Variants in STK33 observed in about 807,000 individuals in gnomAD.
STK33 encodes the protein serine/threonine kinase 33.
A neutral mutation model predicts 58.0 loss-of-function variants in STK33; 52 were observed. That is an observed-to-expected ratio of 0.90 (90% CI 0.72 to 1.13). STK33 has a LOEUF of 1.13. Among genes scored for constraint, STK33 ranks in the 50% most tolerant of loss-of-function variants. The pLI is 0.00. For missense variants in STK33, 630 were observed against 604.2 expected (o/e 1.04, Z -0.45); for synonymous variants, 215 against 200.1 (o/e 1.07, Z -0.63).
intron 1 of STK33, among the ~76,000 whole-genome samples, chr11:8,584,550 G>A (rs889190451): frequency 6.6e-6 from 1 of 152,216 alleles, no homozygotes; most frequent in Admixed American, 6.5e-5. Flanking sequence ...AAGCCAATCA[G>A]TGAGAGACTA....
chr11:8,530,122 G>T (rs1292058122), intron 1 of STK33, among the ~76,000 whole-genome samples: 1 of 152,130 alleles, frequency 6.6e-6, no homozygotes, highest in African/African-American at 2.4e-5. Context: ...AATGTGGAGA[G>T]CATCACACAG....
chr11:8,560,393 T>C (rs1957040626), intron 1 of STK33, among the ~76,000 whole-genome samples: 1 of 152,174 alleles, frequency 6.6e-6, no homozygotes, highest in Admixed American at 6.5e-5. Flanking sequence ...AAAATATCTG[T>C]TCATACTGAT....
chr11:8,380,536 G>A, the STK33 span, among the ~76,000 whole-genome samples: 2 of 148,224 alleles, frequency 1.3e-5, no homozygotes, highest in Non-Finnish European at 3.0e-5. Context: ...CTCCAGCCTG[G>A]TTGACAAGAG....
At chr11:8,397,461 T>G (rs1038353140) in intron 15 of STK33, among the ~76,000 whole-genome samples, 16 of 152,098 alleles carry the variant, frequency 1.1e-4, no homozygotes, top group African/African-American at 3.9e-4. Context: ...ACCCCATCTG[T>G]ACATCACCAT....
At chr11:8,404,821 A>G (rs1287011127) in intron 15 of STK33, among the ~76,000 whole-genome samples, 2 of 152,246 alleles carry the variant, frequency 1.3e-5, no homozygotes, top group East Asian at 1.9e-4. Context: ...ATTGCTGGAT[A>G]AATGGTAAAT....
the STK33 span, among the ~76,000 whole-genome samples, chr11:8,382,327 T>G: frequency 7.9e-5 from 12 of 152,172 alleles, no homozygotes; most frequent in Non-Finnish European, 1.8e-4. Context: ...TGATGGTAGC[T>G]GGGGAGCAGA....
At chr11:8,339,447 G>A in the STK33 span, among the ~76,000 whole-genome samples, 1 of 152,250 alleles carries the variant, frequency 6.6e-6, no homozygotes, top group Non-Finnish European at 1.5e-5. Flanking sequence ...CCGACTCCGG[G>A]AGTAACCATT....
chr11:8,482,041 A>C (rs1221423908), intron 1 of STK33, among the ~76,000 whole-genome samples: 1 of 152,236 alleles, frequency 6.6e-6, no homozygotes, highest in Non-Finnish European at 1.5e-5. Flanking sequence ...CATGTGAGAC[A>C]TAAGATAACT....
intron 9 of STK33, among the ~76,000 whole-genome samples, chr11:8,456,667 G>A (rs1003618707): frequency 1.3e-5 from 2 of 152,170 alleles, no homozygotes; most frequent in African/African-American, 4.8e-5. Context: ...AAAAAAACGG[G>A]GGGAGGAGCA....
the STK33 span, among the ~76,000 whole-genome samples, chr11:8,358,198 C>G: frequency 6.6e-6 from 1 of 152,260 alleles, no homozygotes; most frequent in African/African-American, 2.4e-5. Flanking sequence ...CGGGCTGAAC[C>G]CTGCCCTCTC....
Position 8,457,498 on chromosome 11 carries a change from AAG to A in STK33, c.559-21_559-20del, listed in dbSNP as rs766701572. On this transcript the variant is annotated intron_variant, in intron 8 of 15. Transcript: ENST00000687296. ...ACATTTTCTGACATTATATATATAA[AAG>A]AGAGAGAGAGCAAATTATATATCTG... The A allele has an allele frequency of 1.9e-5, 30 of 1,555,012 alleles. No homozygotes were observed. The highest frequency in any genetic ancestry group is 8.3e-5 in the South Asian group (7 of 83,844).
the STK33 span, among the ~76,000 whole-genome samples, chr11:8,373,244 T>C: frequency 1.3e-5 from 2 of 152,178 alleles, no homozygotes; most frequent in Non-Finnish European, 2.9e-5. Flanking sequence ...TTTCTGGGCA[T>C]GGCATTTCAT....
the STK33 span, among the ~76,000 whole-genome samples, chr11:8,351,132 C>T: frequency 3.3e-5 from 5 of 152,092 alleles, no homozygotes; most frequent in Non-Finnish European, 7.4e-5. Flanking sequence ...CTGACACACC[C>T]ATAACCTCCA....
rs141466129 is a variant in STK33, at chr11:8,409,425, C to T, written c.1344+4070G>A. Among the ~76,000 whole-genome samples the T allele has an allele frequency of 2.7e-3, 409 of 152,256 alleles. 1 individual carries two copies. The highest frequency in any genetic ancestry group is 9.4e-3 in the African/African-American group (392 of 41,558). On this transcript the variant is annotated intron_variant, in intron 15 of 15. Coordinates refer to ENST00000687296, the MANE Select transcript of STK33 (RefSeq NM_001352389.2). ...TTACACCCTTTTAACGTTCCATCAG[C>T]CAGAATAACGGCCAAGACCAACATT...
At chr11:8,567,188 ACTT>A (rs1210570223) in intron 1 of STK33, 1 of 152,122 alleles carries the variant, frequency 6.6e-6, no homozygotes, top group Non-Finnish European at 1.5e-5. Context: ...AATAAAATTT[ACTT>A]CTTAAGTCAA....
intron 15 of STK33, among the ~76,000 whole-genome samples, chr11:8,397,699 G>C (rs538201104): frequency 1.3e-5 from 2 of 152,064 alleles, no homozygotes; most frequent in Non-Finnish European, 2.9e-5. Flanking sequence ...TGGCAAAGAA[G>C]TTAAAAACCT....
chr11:8,467,605 G>A (rs1948339411), intron 6 of STK33: 1 of 152,284 alleles, frequency 6.6e-6, no homozygotes, highest in Admixed American at 6.5e-5. Context: ...TTCCTGTCTT[G>A]TTCTGAGCCC....
chr11:8,454,669 A>G, intron 10 of STK33, 75 bp downstream of exon 10: 2 of 1,457,998 alleles, frequency 1.4e-6, no homozygotes, highest in Non-Finnish European at 1.8e-6. Flanking sequence ...ACATGTGTCT[A>G]AAAAGAGGAT....
intron 1 of STK33, among the ~76,000 whole-genome samples, chr11:8,523,489 G>C (rs1477886961): frequency 6.7e-6 from 1 of 148,904 alleles, no homozygotes; most frequent in East Asian, 2.1e-4. Flanking sequence ...CGGCCGCCCT[G>C]TCTGAGAAGC....
Sources: allele counts gnomAD v4.1 joint callset (sites outside exome capture counted in the v4.1 genomes callset), GRCh38; gene constraint gnomAD v4.1.1; transcripts MANE v1.5; gene names NCBI Gene and HGNC (gene_info 2026-07-23, HGNC 2026-07-21).